NECTIN1: variants seen among roughly 807,000 people sequenced by gnomAD.
NECTIN1 encodes nectin-1.
A neutral mutation model predicts 48.0 loss-of-function variants in NECTIN1; 23 were observed. The observed-to-expected ratio is 0.48, with a 90% CI of 0.34 to 0.68. NECTIN1 has a LOEUF of 0.68. Ranked by LOEUF, NECTIN1 falls within the 30% of genes least tolerant of loss-of-function variation. The pLI is 0.01. For synonymous variants in NECTIN1, 270 were observed against 288.9 expected (o/e 0.93, Z 0.66); for missense variants, 591 against 709.9 (o/e 0.83, Z 1.90).
chr11:119,672,109 T>G lies in NECTIN1; in HGVS notation c.1003+3050A>C, dbSNP rs532131313. On this transcript the variant is annotated intron_variant, in intron 5 of 5. Coordinates refer to ENST00000264025, the MANE Select transcript of NECTIN1 (RefSeq NM_002855.5). This position sits in a 1 kb window ranked among gnomAD's most constrained non-coding sequence, Gnocchi z 4.3. ...AACTCCAGGACTGATGGGCAGACTG[T>G]GACCCTCACCTGCAAGGGATGAGCC... Among the ~76,000 whole-genome samples the G allele has an allele frequency of 3.9e-5, 6 of 152,208 alleles. No homozygotes were observed. Among genetic ancestry groups the G allele is most frequent in the Non-Finnish European group, 8.8e-5 (6 of 68,038 alleles).
chr11:119,715,029 T>C (rs1289905440), intron 1 of NECTIN1, among the ~76,000 whole-genome samples: 1 of 151,272 alleles, frequency 6.6e-6, no homozygotes, highest in South Asian at 2.1e-4. Flanking sequence ...CCAACACTAA[T>C]GGGAGGGAGC....
At position 119,665,027 on chromosome 11, in the gene NECTIN1, TC is replaced by T. The variant is rs1864737665; in HGVS notation, c.1273del (p.Glu425ArgfsTer173). ...NLQYPDDSDD[E>X]KKAGPLGGSS... is the part of the protein sequence containing the mutation. ...TCCACCCAGTGGGCCGGCCTTCTTCTCGTCGTCTGAGTCGTCGGGGTACTGC... is the reference window on the plus strand; with the variant it reads ...TCCACCCAGTGGGCCGGCCTTCTTCTGTCGTCTGAGTCGTCGGGGTACTGC... On this transcript the variant is annotated frameshift_variant, in exon 6 of 6. Coordinates refer to ENST00000264025, the MANE Select transcript of NECTIN1 (RefSeq NM_002855.5). LOFTEE classifies it high-confidence loss of function. This position sits in a 1 kb window ranked among gnomAD's most constrained non-coding sequence, Gnocchi z 5.1. The T allele has an allele frequency of 6.2e-7, 1 of 1,613,732 alleles. No individual in the cohort carries two copies. Among genetic ancestry groups the T allele is most frequent in the Admixed American group, 1.7e-5 (1 of 60,000 alleles).
intron 1 of NECTIN1, among the ~76,000 whole-genome samples, chr11:119,698,456 T>G (rs186873821): frequency 1.0e-4 from 16 of 152,384 alleles, no homozygotes; most frequent in African/African-American, 3.8e-4. Flanking sequence ...CTTCCTGATA[T>G]CTACCCTCAA....
In NECTIN1 at chr11:119,663,830, C is replaced by A. The variant is rs979562618; in HGVS notation, c.*917G>T. The A allele has an allele frequency of 4.1e-6, 4 of 985,388 alleles. No homozygotes were observed. Among genetic ancestry groups the A allele is most frequent in the Middle Eastern group, 5.2e-4 (1 of 1,938 alleles). The allele number at this position is 985,388 out of a possible 1,614,324, so 61.0% of individuals were successfully genotyped here. A position where few individuals can be genotyped will look rare whatever the true frequency, so the allele number is the denominator to read the frequency against. ...GTCTCTGGAAGCTTCTATAGGCAGACCCCATTCTCAGCTTAAAGGGGGAAT... is the reference window on the plus strand; with the variant it reads ...GTCTCTGGAAGCTTCTATAGGCAGAACCCATTCTCAGCTTAAAGGGGGAAT... On this transcript the variant is annotated 3_prime_UTR_variant, in exon 6 of 6. Coordinates refer to ENST00000264025, the MANE Select transcript of NECTIN1 (RefSeq NM_002855.5).
intron 1 of NECTIN1, among the ~76,000 whole-genome samples, chr11:119,697,092 C>A (rs1865353427): frequency 6.6e-6 from 1 of 152,070 alleles, no homozygotes; most frequent in Non-Finnish European, 1.5e-5. Context: ...CAGGGAAAGG[C>A]CCTCTCACCC....
In NECTIN1 at chr11:119,672,901, C is replaced by G. The variant is rs1864882847; in HGVS notation, c.1003+2258G>C. ...CGCAGGTGTGCAGTGGCCCAGCACA[C>G]ACGTGTTCTGCATATGCGTGTCCCT... On this transcript the variant is annotated intron_variant, in intron 5 of 5. Coordinates refer to ENST00000264025, the MANE Select transcript of NECTIN1 (RefSeq NM_002855.5). This position sits in a 1 kb window ranked among gnomAD's most constrained non-coding sequence, Gnocchi z 4.3. Among the ~76,000 whole-genome samples, 1 of 152,228 alleles carries G rather than the reference C, an allele frequency of 6.6e-6. No homozygotes were observed. Among genetic ancestry groups the G allele is most frequent in the African/African-American group, 2.4e-5 (1 of 41,460 alleles).
chr11:119,638,579 G>A, intron 7 of NECTIN1: 1 of 792,568 alleles, frequency 1.3e-6, no homozygotes, highest in Middle Eastern at 2.5e-4. Flanking sequence ...TGAGGCAGAT[G>A]GATCCCTCTA....
intron 1 of NECTIN1, among the ~76,000 whole-genome samples, chr11:119,699,557 C>T (rs1295954546): frequency 3.3e-5 from 5 of 152,198 alleles, no homozygotes; most frequent in Non-Finnish European, 4.4e-5. Context: ...GGCTGGGCCT[C>T]GAGGCCTGGC....
intron 1 of NECTIN1, among the ~76,000 whole-genome samples, chr11:119,712,050 A>T (rs547543436): frequency 6.6e-6 from 1 of 152,300 alleles, no homozygotes; most frequent in Admixed American, 6.5e-5. Flanking sequence ...GGCTTTCATC[A>T]CAGAAATGGG....
intron 5 of NECTIN1, chr11:119,642,248 C>G (rs539270649): frequency 5.3e-5 from 8 of 152,314 alleles, no homozygotes; most frequent in African/African-American, 1.7e-4. Flanking sequence ...GCCACCACCA[C>G]GCTGGATGCT....
intron 5 of NECTIN1, among the ~76,000 whole-genome samples, chr11:119,647,771 G>C (rs1056260596): frequency 1.3e-5 from 2 of 152,118 alleles, no homozygotes; most frequent in African/African-American, 4.8e-5. Context: ...TCTGTAAAAG[G>C]GAGAAAAGGG....
At chr11:119,707,834 C>T (rs555495144) in intron 1 of NECTIN1, among the ~76,000 whole-genome samples, 8 of 152,346 alleles carry the variant, frequency 5.3e-5, no homozygotes, top group African/African-American at 1.9e-4. Context: ...ATCACCTCGA[C>T]ACTCTTCTAC....
chr11:119,674,559 A>G lies in NECTIN1; in HGVS notation c.1003+600T>C, dbSNP rs999279161. 21 of 1,614,038 alleles carry G rather than the reference A, an allele frequency of 1.3e-5. No individual in the cohort carries two copies. In the African/African-American group the frequency reaches 1.3e-4, roughly 10 times the overall value. ...GTCACAGCTGTCTGACATCAAGCCC[A>G]TGCTCCTTTCACGTCCCAGGTGAAG... On this transcript the variant is annotated intron_variant, in intron 5 of 5. Coordinates refer to ENST00000264025, the MANE Select transcript of NECTIN1 (RefSeq NM_002855.5).
chr11:119,728,938 A>C lies in NECTIN1; in HGVS notation c.-385T>G. 6.0e-6 allele frequency: 1 copy of C among 166,556 alleles called. No homozygotes were observed. Among genetic ancestry groups the C allele is most frequent in the Non-Finnish European group, 1.3e-5 (1 of 78,122 alleles). 10.3% of individuals were successfully genotyped at this position (166,556 alleles called of 1,614,324 possible). A position where few individuals can be genotyped will look rare whatever the true frequency, so the allele number is the denominator to read the frequency against. Reference sequence around the variant, plus strand: ...GGGCTCCTGGCCCCGGCCCGCTCACACCCTCCCGCTCGGCTCCAACTTGCA... The same window carrying C: ...GGGCTCCTGGCCCCGGCCCGCTCACCCCCTCCCGCTCGGCTCCAACTTGCA... On this transcript the variant is annotated 5_prime_UTR_variant, in exon 1 of 6. Coordinates refer to ENST00000264025, the MANE Select transcript of NECTIN1 (RefSeq NM_002855.5).
intron 5 of NECTIN1, among the ~76,000 whole-genome samples, chr11:119,651,659 C>A (rs1483671149): frequency 7.2e-5 from 11 of 152,134 alleles, no homozygotes; most frequent in Non-Finnish European, 1.6e-4. Flanking sequence ...CCAATCCCCC[C>A]ACTCCCACTG....
intron 1 of NECTIN1, among the ~76,000 whole-genome samples, chr11:119,712,270 C>A (rs1865663441): frequency 6.6e-6 from 1 of 151,608 alleles, no homozygotes; most frequent in Admixed American, 6.6e-5. Flanking sequence ...CTGGTCACGT[C>A]CCAGCCCACT....
chr11:119,727,392 C>A lies in NECTIN1; in HGVS notation c.79+1083G>T, dbSNP rs1394095785. On this transcript the variant is annotated intron_variant, in intron 1 of 5. Transcript: ENST00000264025. The surrounding 1 kb of genome is among the most constrained non-coding windows in gnomAD (Gnocchi z 4.1). The stretch of plus-strand genomic sequence containing the variant: ...ACGTGCTCCAGTCAAGATCCGCCCC[C>A]CTCCCCAAAATCCCATCTTGCTAGA... Among the ~76,000 whole-genome samples the A allele has an allele frequency of 6.6e-6, 1 of 152,110 alleles. No homozygotes were observed. The highest frequency in any genetic ancestry group is 2.4e-5 in the African/African-American group (1 of 41,426).
intron 5 of NECTIN1, among the ~76,000 whole-genome samples, chr11:119,648,289 ATGGTGG>A (rs1263768008): frequency 1.5e-3 from 16 of 10,748 alleles, no homozygotes; most frequent in African/African-American, 3.4e-3. Context: ...GGTGGTGGTG[ATGGTGG>A]TGGTGGTGGT....
At chr11:119,717,801 C>T (rs1865770502) in intron 1 of NECTIN1, among the ~76,000 whole-genome samples, 1 of 152,224 alleles carries the variant, frequency 6.6e-6, no homozygotes, top group Admixed American at 6.5e-5. Context: ...CTGGGCAATG[C>T]TGGTCCCTTC....
Sources: gnomAD v4.1 joint callset for allele counts (sites outside exome capture counted in the v4.1 genomes callset) on GRCh38, gnomAD v4.1.1 for gene constraint, Gnocchi (gnomAD v3.1) non-coding constraint, MANE v1.5 for transcripts, NCBI Gene and HGNC (gene_info 2026-07-23, HGNC 2026-07-21) for gene names.